Variants in SLC25A22 observed in about 807,000 individuals in gnomAD.
SLC25A22 encodes the protein mitochondrial glutamate carrier 1.
SLC25A22 carries 23 observed loss-of-function variants against 33.7 expected under a neutral mutation model. That is an observed-to-expected ratio of 0.68 (90% CI 0.49 to 0.97). SLC25A22 has a LOEUF of 0.97. Among genes scored for constraint, SLC25A22 ranks in the 50% least tolerant of loss-of-function variants. SLC25A22 has a pLI of 0.00. For synonymous variants in SLC25A22, 245 were observed against 203.8 expected, an observed-to-expected ratio of 1.20 and a Z score of -1.72; for missense variants, 390 against 451.1, an observed-to-expected ratio of 0.86 and a Z score of 1.23.
intron 7 of SLC25A22, 27 bp from the exon 8 acceptor site, chr11:792,485 A>G: frequency 1.2e-6 from 2 of 1,612,554 alleles, no homozygotes; most frequent in Non-Finnish European, 1.7e-6. Context: ...GGCCGTGGGG[A>G]CAGGAGGTGG....
Position 792,861 on chromosome 11 carries a change from C to G in SLC25A22, c.412+9G>C, listed in dbSNP as rs369276282. The G allele has an allele frequency of 2.0e-6, 3 of 1,494,266 alleles. No individual in the cohort carries two copies. Among genetic ancestry groups the G allele is most frequent in the Non-Finnish European group, 2.8e-6 (3 of 1,074,736 alleles). The allele number at this position is 1,494,266 out of a possible 1,614,324, so 92.6% of individuals were successfully genotyped here. A position where few individuals can be genotyped will look rare whatever the true frequency, so the allele number is the denominator to read the frequency against. On this transcript the variant is annotated intron_variant, in intron 6 of 9. Transcript: ENST00000628067. ...CTCTGCCCTCTCCTCCCCCTCCCCC[C>G]GCCCTCACCAATGCGCCCTGCATCC...
At chr11:795,926 G>C (rs955028750) in intron 1 of SLC25A22, 6 of 152,362 alleles carry the variant, frequency 3.9e-5, no homozygotes, top group African/African-American at 1.4e-4. Flanking sequence ...TAAGCAGCAA[G>C]GCTGGGGAGC....
In SLC25A22 at chr11:795,135, G is replaced by A. The variant is rs1864737649; in HGVS notation, c.-129C>T. 1.1e-5 allele frequency: 13 copies of A among 1,163,738 alleles called. No individual in the cohort carries two copies. The highest frequency in any genetic ancestry group is 1.6e-5 in the Non-Finnish European group (13 of 808,024). 72.1% of individuals were successfully genotyped at this position (1,163,738 alleles called of 1,614,324 possible). ...GGTTGGGTGGTGCTCCACCTTCAGG[G>A]GAATTTCCAGGCGTCAGCAACCGCC... On this transcript the variant is annotated 5_prime_UTR_variant, in exon 2 of 10. Transcript: ENST00000628067.
Position 793,217 on chromosome 11 carries a change from G to A in SLC25A22, c.294-229C>T, listed in dbSNP as rs560162163. Among the ~76,000 whole-genome samples, 9 of 152,284 alleles carry A rather than the reference G, an allele frequency of 5.9e-5. No individual in the cohort carries two copies. The East Asian group carries it at 1.5e-3, about 26-fold the overall frequency. ...TGGGGAGGGCAGTGGGGCTGTCTGC[G>A]ACAAAGGAAAATGGGAAATTGGGGG... On this transcript the variant is annotated intron_variant, in intron 5 of 9. Transcript: ENST00000628067.
chr11:794,301 GT>G (rs1565038820), intron 4 of SLC25A22, 156 bp downstream of exon 4: 1 of 879,354 alleles, frequency 1.1e-6, no homozygotes, highest in South Asian at 1.4e-5. Context: ...CAGAGATCCA[GT>G]CCCCCCTGCA....
At chr11:796,569 C>T (rs891788855) in intron 1 of SLC25A22, among the ~76,000 whole-genome samples, 5 of 152,160 alleles carry the variant, frequency 3.3e-5, no homozygotes, top group African/African-American at 9.7e-5. Flanking sequence ...AGGCTTTCTC[C>T]GGGCCAGGGT....
At chr11:793,101 C>G in intron 5 of SLC25A22, 113 bp from the exon 6 acceptor site, 1 of 1,019,896 alleles carries the variant, frequency 9.8e-7, no homozygotes, top group Admixed American at 2.0e-5. Flanking sequence ...GAGGCAGATG[C>G]AGGCCTGTGG....
intron 4 of SLC25A22, chr11:794,029 G>A: frequency 2.1e-6 from 1 of 472,776 alleles, no homozygotes. Flanking sequence ...GGGAGGCTGT[G>A]GAGAGCCCCC....
In SLC25A22 at chr11:791,972, G is replaced by A; in HGVS notation, c.915C>T (p.Val305=). Reference sequence around the variant, plus strand: ...GGGACTCCGCGATGCCCAGGAAGTAGACCACCTGTGCGATGCCGAAAAGGG... The same window carrying A: ...GGGACTCCGCGATGCCCAGGAAGTAAACCACCTGTGCGATGCCGAAAAGGG... The part of the protein sequence containing the change: ...IAPLFGIAQV[V]YFLGIAESLL... The change falls in exon 10 of 10, where the codon GTC becomes GTT. Residue 305 remains valine (V), a synonymous_variant. Coordinates refer to ENST00000628067, the MANE Select transcript of SLC25A22 (RefSeq NM_001191061.2). The A allele has an allele frequency of 1.2e-6, 2 of 1,608,664 alleles. No homozygotes were observed. Among genetic ancestry groups the A allele is most frequent in the Non-Finnish European group, 8.5e-7 (1 of 1,179,594 alleles).
chr11:793,437 A>G, intron 5 of SLC25A22, 92 bp downstream of exon 5: 1 of 1,234,154 alleles, frequency 8.1e-7, no homozygotes, highest in Non-Finnish European at 1.2e-6. Context: ...GAAGACAGGC[A>G]GAGCCCCCAG....
At chr11:795,319 G>A in intron 1 of SLC25A22, 150 bp from the exon 2 acceptor site, 1 of 530,414 alleles carries the variant, frequency 1.9e-6, no homozygotes, top group Non-Finnish European at 3.4e-6. Context: ...GGAGGCACCT[G>A]CCACCCAGTC....
chr11:798,056 G>A, intron 1 of SLC25A22, 161 bp downstream of exon 1: 1 of 398,358 alleles, frequency 2.5e-6, no homozygotes, highest in Non-Finnish European at 4.4e-6. Flanking sequence ...GAGCAGCCGC[G>A]GATCGGAGCA....
At position 792,720 on chromosome 11, in the gene SLC25A22, C is replaced by T. The variant is rs747335728; in HGVS notation, c.420G>A (p.Gln140=). The change falls in exon 7 of 10, where the codon CAG becomes CAA. Residue 140 remains glutamine, a synonymous_variant. Transcript: ENST00000628067. The part of the protein sequence containing the change: ...QLQDAGRIAA[Q]RKILAAQGQL... ...GGCCCTGGGCAGCCAGGATCTTCCT[C>T]TGGGCGGCTGGGGACAAAGAGGCTG... 5 of 1,546,576 alleles carry T rather than the reference C, an allele frequency of 3.2e-6. No individual in the cohort carries two copies. In the South Asian group the frequency reaches 5.9e-5, roughly 18 times the overall value.
At position 794,503 on chromosome 11, in the gene SLC25A22, G is replaced by A. The variant is rs751510460; in HGVS notation, c.157C>T (p.Leu53Phe). The change falls in exon 4 of 10, where the codon CTC (leucine) becomes TTC (phenylalanine). Residue 53 changes from leucine to phenylalanine, a missense_variant. By Grantham distance (22) the Leu-to-Phe change is conservative. Transcript: ENST00000628067. ...CCCTCGGAGCGGACGGTCTTGATGA[G>A]GCAGTCGGACCTGTGGCCAAGGGGA... Reference protein sequence around the residue: ...QRVYTSMSDCLIKTVRSEGYF... With the variant: ...QRVYTSMSDCFIKTVRSEGYF... 1 of 1,612,732 alleles carries A rather than the reference G, an allele frequency of 6.2e-7. No individual in the cohort carries two copies. The highest frequency in any genetic ancestry group is 8.5e-7 in the Non-Finnish European group (1 of 1,179,800).
intron 7 of SLC25A22, 22 bp downstream of exon 7, chr11:792,531 C>A: frequency 6.2e-7 from 1 of 1,612,504 alleles, no homozygotes; most frequent in Non-Finnish European, 8.5e-7. Flanking sequence ...TTCCCTCCCC[C>A]CACCTGCCCT....
At position 791,646 on chromosome 11, in the gene SLC25A22, C is replaced by G; in HGVS notation, c.*269G>C. ...GCTCTGTCCCTGGGGGTGTTCAGGC[C>G]AGGGCAGGATTGGGGCAGGGGCTAG... On this transcript the variant is annotated 3_prime_UTR_variant, in exon 10 of 10. Transcript: ENST00000628067. 2 of 536,614 alleles carry G rather than the reference C, an allele frequency of 3.7e-6. No homozygotes were observed. Among genetic ancestry groups the G allele is most frequent in the Non-Finnish European group, 6.6e-6 (2 of 301,360 alleles). The allele number at this position is 536,614 out of a possible 1,614,324, so 33.2% of individuals were successfully genotyped here. A position where few individuals can be genotyped will look rare whatever the true frequency, so the allele number is the denominator to read the frequency against.
rs1362981502 is a variant in SLC25A22, at chr11:791,066, G to A, written c.*849C>T. 3.3e-5 allele frequency: 5 copies of A among 152,510 alleles called. No homozygotes were observed. Among genetic ancestry groups the A allele is most frequent in the African/African-American group, 4.8e-5 (2 of 41,446 alleles). 9.4% of individuals were successfully genotyped at this position (152,510 alleles called of 1,614,324 possible). A position where few individuals can be genotyped will look rare whatever the true frequency, so the allele number is the denominator to read the frequency against. On this transcript the variant is annotated 3_prime_UTR_variant, in exon 10 of 10. Transcript: ENST00000628067. ...TGGAGGACTCAGGAGAGACCAAGCT[G>A]GGTAAGTTAGTTCCTGGACGGGGTC...
chr11:794,455 C>T lies in SLC25A22; in HGVS notation c.202+3G>A, dbSNP rs777723702. On this transcript the variant is annotated splice_donor_region_variant and intron_variant, in intron 4 of 9. Coordinates refer to ENST00000628067, the MANE Select transcript of SLC25A22 (RefSeq NM_001191061.2). ...TATCGAGCCCAGCCGAGCCAAACCT[C>T]ACCCCGGTACATGCCGAAGTAGCCC... 6.2e-7 allele frequency: 1 copy of T among 1,612,688 alleles called. No individual in the cohort carries two copies. The highest frequency in any genetic ancestry group is 1.3e-5 in the African/African-American group (1 of 74,916).
At chr11:797,617 A>T (rs562522558) in intron 1 of SLC25A22, 1 of 398,632 alleles carries the variant, frequency 2.5e-6, no homozygotes, top group African/African-American at 2.1e-5. Context: ...CCTACCCCCA[A>T]GAAAGGCAAT....
Sources: allele counts gnomAD v4.1 joint callset (sites outside exome capture counted in the v4.1 genomes callset), GRCh38; gene constraint gnomAD v4.1.1; transcripts MANE v1.5; gene names NCBI Gene and HGNC (gene_info 2026-07-23, HGNC 2026-07-21).